The following LRRIQ3 variants were observed in gnomAD, a reference collection of about 807,000 sequenced individuals.
LRRIQ3 encodes the protein leucine rich repeats and IQ motif containing 3.
LRRIQ3 carries 75 observed loss-of-function variants against 59.3 expected under a neutral mutation model. The observed-to-expected ratio is 1.26, with a 90% CI of 1.05 to 1.53. The LOEUF (loss-of-function observed/expected upper bound fraction) is 1.53. Among genes scored for constraint, LRRIQ3 ranks in the 40% most tolerant of loss-of-function variants. The probability of loss-of-function intolerance (pLI) is 0.00; values close to 1 mark genes in which losing one functional copy is unlikely to be tolerated. For synonymous variants in LRRIQ3, 250 were observed against 231.3 expected (o/e 1.08, Z -0.73); for missense variants, 831 against 710.0 (o/e 1.17, Z -1.94).
intron 6 of LRRIQ3, among the ~76,000 whole-genome samples, chr1:74,060,017 T>G (rs1431993443): frequency 6.6e-6 from 1 of 152,132 alleles, no homozygotes; most frequent in Non-Finnish European, 1.5e-5. Context: ...TTTTTATACT[T>G]CTAGGAAAGT....
At chr1:74,181,944 T>A (rs1318280277) in intron 3 of LRRIQ3, 3 of 151,822 alleles carry the variant, frequency 2.0e-5, no homozygotes, top group African/African-American at 7.2e-5. Context: ...TGTTACTATA[T>A]CTTGTACCTA....
At chr1:74,147,718 T>C (rs1180906455) in intron 4 of LRRIQ3, among the ~76,000 whole-genome samples, 1 of 152,224 alleles carries the variant, frequency 6.6e-6, no homozygotes, top group African/African-American at 2.4e-5. Flanking sequence ...TCTATCATTC[T>C]CTCTGCTTTT....
At chr1:74,168,825 T>G (rs540297750) in intron 3 of LRRIQ3, among the ~76,000 whole-genome samples, 1 of 152,280 alleles carries the variant, frequency 6.6e-6, no homozygotes, top group South Asian at 2.1e-4. Context: ...GTATTACTTG[T>G]GTTACTATGT....
chr1:74,039,246 G>C (rs899418960), intron 7 of LRRIQ3, among the ~76,000 whole-genome samples: 2 of 152,102 alleles, frequency 1.3e-5, no homozygotes, highest in African/African-American at 4.8e-5. Context: ...AGACTACCTT[G>C]CTGAAATAAG....
At chr1:74,103,929 C>T (rs911435599) in intron 5 of LRRIQ3, among the ~76,000 whole-genome samples, 7 of 151,908 alleles carry the variant, frequency 4.6e-5, no homozygotes, top group African/African-American at 1.7e-4. Flanking sequence ...TAGTCAAAGC[C>T]AGCTACATAG....
chr1:74,187,367 C>T (rs1037413506), intron 1 of LRRIQ3, among the ~76,000 whole-genome samples: 8 of 151,806 alleles, frequency 5.3e-5, no homozygotes, highest in South Asian at 2.1e-4. Flanking sequence ...CACACACACA[C>T]ACACACACAC....
intron 6 of LRRIQ3, among the ~76,000 whole-genome samples, chr1:74,059,436 C>T (rs1654636118): frequency 6.6e-6 from 1 of 151,896 alleles, no homozygotes; most frequent in Non-Finnish European, 1.5e-5. Context: ...ATGTAGAGAT[C>T]CAACATCAAT....
intron 3 of LRRIQ3, among the ~76,000 whole-genome samples, chr1:74,178,311 T>C (rs1210765656): frequency 6.6e-6 from 1 of 152,020 alleles, no homozygotes; most frequent in Non-Finnish European, 1.5e-5. Context: ...TCATAAGCCA[T>C]AATCTTACTT....
chr1:74,150,272 C>G (rs1647846550), intron 4 of LRRIQ3, among the ~76,000 whole-genome samples: 1 of 152,168 alleles, frequency 6.6e-6, no homozygotes, highest in Non-Finnish European at 1.5e-5. Context: ...GCCTGGACTT[C>G]TTGAACCACA....
intron 3 of LRRIQ3, among the ~76,000 whole-genome samples, chr1:74,166,209 A>T (rs1012054824): frequency 6.6e-6 from 1 of 151,686 alleles, no homozygotes; most frequent in Non-Finnish European, 1.5e-5. Context: ...TGTGAATTTT[A>T]AAACTATGAA....
At chr1:74,136,046 C>T (rs1332548420) in intron 4 of LRRIQ3, among the ~76,000 whole-genome samples, 1 of 151,612 alleles carries the variant, frequency 6.6e-6, no homozygotes, top group Non-Finnish European at 1.5e-5. Context: ...AAAAAAGAGA[C>T]CACATTACTA....
At position 74,074,781 on chromosome 1, in the gene LRRIQ3, A is replaced by AAT; in HGVS notation, c.875_876dup (p.Tyr293IlefsTer6). 2 of 1,351,714 alleles carry AAT rather than the reference A, an allele frequency of 1.5e-6. No homozygotes were observed. The highest frequency in any genetic ancestry group is 2.0e-6 in the Non-Finnish European group (2 of 1,001,134). 83.7% of individuals were successfully genotyped at this position (1,351,714 alleles called of 1,614,324 possible). On this transcript the variant is annotated frameshift_variant, in exon 6 of 8. Transcript: ENST00000354431. LOFTEE classifies it high-confidence loss of function. The stretch of plus-strand genomic sequence containing the variant: ...CTGGAATTTTTTAAATCAACAGGAT[A>AAT]ATATATATTCTGTGAAAATAAAATA...
intron 1 of LRRIQ3, among the ~76,000 whole-genome samples, chr1:74,186,516 GATAAA>G (rs1458448809): frequency 6.6e-6 from 1 of 152,084 alleles, no homozygotes; most frequent in Non-Finnish European, 1.5e-5. Context: ...TAATGAACCT[GATAAA>G]ATAACATTGT....
intron 1 of LRRIQ3, among the ~76,000 whole-genome samples, chr1:74,188,570 A>C (rs11210429): frequency 0.85 from 129,179 of 152,102 alleles, 55,746 homozygotes; most frequent in East Asian, 0.97. Context: ...GATTCTATCC[A>C]CACATCCCCA....
chr1:74,058,795 A>G (rs1345632706), intron 6 of LRRIQ3, among the ~76,000 whole-genome samples: 2 of 152,116 alleles, frequency 1.3e-5, no homozygotes, highest in Admixed American at 6.6e-5. Context: ...TCACTGTGCA[A>G]TGTATATCTG....
intron 4 of LRRIQ3, among the ~76,000 whole-genome samples, chr1:74,110,246 T>C (rs918055806): frequency 6.6e-6 from 1 of 151,894 alleles, no homozygotes; most frequent in Non-Finnish European, 1.5e-5. Flanking sequence ...ACCTACTCAA[T>C]ATTGTACTAC....
chr1:74,108,883 T>C (rs1216583731), intron 5 of LRRIQ3: 4 of 394,524 alleles, frequency 1.0e-5, no homozygotes, highest in Admixed American at 2.9e-5. Flanking sequence ...ATAAAAAATA[T>C]CTATCTATGG....
intron 4 of LRRIQ3, among the ~76,000 whole-genome samples, chr1:74,140,787 T>C (rs943401070): frequency 1.3e-4 from 20 of 151,836 alleles, no homozygotes; most frequent in African/African-American, 4.3e-4. Context: ...CAATGTGAAA[T>C]GTCCTTCCCT....
chr1:74,185,653 C>T (rs995517062), intron 1 of LRRIQ3, among the ~76,000 whole-genome samples: 12 of 151,948 alleles, frequency 7.9e-5, no homozygotes, highest in Admixed American at 1.3e-4. Context: ...CATAAAAAGT[C>T]CTTGAAAGGG....
Sources: allele counts gnomAD v4.1 joint callset (sites outside exome capture counted in the v4.1 genomes callset), GRCh38; gene constraint gnomAD v4.1.1; transcripts MANE v1.5; gene names NCBI Gene and HGNC (gene_info 2026-07-23, HGNC 2026-07-21).